Variants in SAMD5 observed in about 807,000 individuals in gnomAD.
The protein encoded by SAMD5 is sterile alpha motif domain-containing protein 5.
A neutral mutation model predicts 11.3 loss-of-function variants in SAMD5; 13 were observed. The ratio of observed to expected loss-of-function variants is 1.15; its 90% CI spans 0.75 to 1.83. The LOEUF is 1.83. Ranked by LOEUF, SAMD5 falls within the 40% of genes most tolerant of loss-of-function variation. SAMD5 has a pLI of 0.00. For missense variants in SAMD5, 255 were observed against 239.1 expected, an observed-to-expected ratio of 1.07 and a Z score of -0.44; for synonymous variants, 129 against 111.3, an observed-to-expected ratio of 1.16 and a Z score of -1.00.
chr6:147,662,149 A>G (rs1294543749), intron 1 of SAMD5, among the ~76,000 whole-genome samples: 1 of 151,266 alleles, frequency 6.6e-6, no homozygotes, highest in African/African-American at 2.5e-5. Context: ...CTTACTGGTG[A>G]GCATGTTTCT....
intron 1 of SAMD5, among the ~76,000 whole-genome samples, chr6:147,623,245 A>G (rs1389709387): frequency 1.3e-5 from 2 of 152,190 alleles, no homozygotes; most frequent in East Asian, 3.9e-4. Context: ...CCTCCCAGAC[A>G]CCCCAGAGCC....
At chr6:147,891,833 T>A in the SAMD5 span, among the ~76,000 whole-genome samples, 1 of 151,572 alleles carries the variant, frequency 6.6e-6, no homozygotes, top group Non-Finnish European at 1.5e-5. Context: ...AGGTCCATGG[T>A]ATGAACCTGT....
the SAMD5 span, among the ~76,000 whole-genome samples, chr6:147,772,945 G>A: frequency 4.6e-5 from 7 of 152,096 alleles, no homozygotes; most frequent in African/African-American, 1.4e-4. Flanking sequence ...CTGAGTGCCC[G>A]CTATGCTGTT....
intron 1 of SAMD5, among the ~76,000 whole-genome samples, chr6:147,611,006 A>T (rs1479775492): frequency 6.6e-6 from 1 of 151,496 alleles, no homozygotes; most frequent in African/African-American, 2.4e-5. Flanking sequence ...AGTAGCTGGG[A>T]CTACAGGTAT....
At chr6:147,668,017 C>A (rs1348194796) in intron 1 of SAMD5, among the ~76,000 whole-genome samples, 3 of 151,992 alleles carry the variant, frequency 2.0e-5, no homozygotes, top group Admixed American at 6.6e-5. Context: ...TTTAAAATTG[C>A]ATTATAAAAA....
the SAMD5 span, among the ~76,000 whole-genome samples, chr6:147,909,441 C>T: frequency 6.6e-6 from 1 of 152,076 alleles, no homozygotes; most frequent in African/African-American, 2.4e-5. Flanking sequence ...ACATAAACTG[C>T]TAATGTCTCC....
At chr6:147,679,937 A>G (rs975011286) in intron 1 of SAMD5, among the ~76,000 whole-genome samples, 8 of 151,484 alleles carry the variant, frequency 5.3e-5, no homozygotes, top group Admixed American at 4.6e-4. Context: ...CTATTTCTAG[A>G]CTCTACTTTG....
At chr6:147,693,315 C>T (rs1428957552) in intron 1 of SAMD5, among the ~76,000 whole-genome samples, 1 of 152,226 alleles carries the variant, frequency 6.6e-6, no homozygotes, top group Non-Finnish European at 1.5e-5. Flanking sequence ...TGGGAGGTTG[C>T]TTGCAGTCTT....
chr6:147,521,118 A>G (rs575043695), intron 1 of SAMD5, among the ~76,000 whole-genome samples: 8 of 151,854 alleles, frequency 5.3e-5, no homozygotes, highest in African/African-American at 1.7e-4. Context: ...AATCTTACCC[A>G]TGTTACTACT....
At chr6:147,708,269 T>C (rs1327456873) in intron 1 of SAMD5, among the ~76,000 whole-genome samples, 1 of 152,144 alleles carries the variant, frequency 6.6e-6, no homozygotes, top group Non-Finnish European at 1.5e-5. Flanking sequence ...ATCATAAAGA[T>C]ACAGGAAAAA....
chr6:147,837,248 T>G, the SAMD5 span, among the ~76,000 whole-genome samples: 1 of 152,188 alleles, frequency 6.6e-6, no homozygotes, highest in African/African-American at 2.4e-5. Context: ...AAGCTTCTTC[T>G]TACCCCAGAA....
chr6:147,509,084 C>T lies in SAMD5; in HGVS notation c.156C>T (p.Arg52=), dbSNP rs755607960. ...TCGGGGTGCTGGCGCCCGCGCACCG[C>T]CGCCGTATCCTGGAGGCCGTGCGCC... ...DAIGVLAPAH[R]RRILEAVRRL... Residue 52 remains arginine, a synonymous_variant, in exon 1 of 2, where the codon CGC becomes CGT. Transcript: ENST00000367474. The T allele has an allele frequency of 6.2e-7, 1 of 1,600,142 alleles. No homozygotes were observed. The highest frequency in any genetic ancestry group is 8.5e-7 in the Non-Finnish European group (1 of 1,174,716).
Position 147,565,804 on chromosome 6 carries a change from T to C in SAMD5, c.*1348T>C, listed in dbSNP as rs1476636955. On this transcript the variant is annotated 3_prime_UTR_variant, in exon 2 of 2. Coordinates refer to ENST00000367474, the MANE Select transcript of SAMD5 (RefSeq NM_001030060.3). ...TTTCTGCTTAGAAAACGCAACCATG[T>C]TGATGGGACCAAAAACTTAGTTGAA... 25 of 985,282 alleles carry C rather than the reference T, an allele frequency of 2.5e-5. No homozygotes were observed. The highest frequency in any genetic ancestry group is 1.6e-5 in the Non-Finnish European group (13 of 829,948). 61.0% of individuals were successfully genotyped at this position (985,282 alleles called of 1,614,324 possible).
At chr6:147,578,148 A>C (rs973576917) in intron 1 of SAMD5, among the ~76,000 whole-genome samples, 1 of 152,180 alleles carries the variant, frequency 6.6e-6, no homozygotes, top group African/African-American at 2.4e-5. Context: ...CATTTAGTTT[A>C]CTGTCCATCA....
At chr6:147,802,263 A>T in the SAMD5 span, among the ~76,000 whole-genome samples, 68 of 152,320 alleles carry the variant, frequency 4.5e-4, no homozygotes, top group Admixed American at 7.2e-4. Flanking sequence ...TTACACAAAA[A>T]CTTAACATAG....
chr6:147,587,753 G>C (rs844561), intron 1 of SAMD5, among the ~76,000 whole-genome samples: 89,914 of 151,864 alleles, frequency 0.59, 26,815 homozygotes, highest in Middle Eastern at 0.65. Flanking sequence ...AGGACTTTTC[G>C]TCTTCTGGGC....
At chr6:147,515,844 T>A (rs74971769) in intron 1 of SAMD5, among the ~76,000 whole-genome samples, 63 of 152,236 alleles carry the variant, frequency 4.1e-4, no homozygotes, top group African/African-American at 1.5e-3. Flanking sequence ...TTTAAAAAAA[T>A]CAACTCTGAT....
At chr6:147,535,631 C>A (rs1237704355) in intron 1 of SAMD5, among the ~76,000 whole-genome samples, 8 of 152,094 alleles carry the variant, frequency 5.3e-5, no homozygotes, top group Non-Finnish European at 1.2e-4. Context: ...TGAAGTGTAG[C>A]AAGAATGATT....
chr6:147,590,738 A>G (rs1789440747), intron 1 of SAMD5, among the ~76,000 whole-genome samples: 1 of 152,190 alleles, frequency 6.6e-6, no homozygotes, highest in African/African-American at 2.4e-5. Flanking sequence ...TACCAAGACT[A>G]GATGAATGAT....
Sources: allele counts gnomAD v4.1 joint callset (sites outside exome capture counted in the v4.1 genomes callset), GRCh38; gene constraint gnomAD v4.1.1; transcripts MANE v1.5; gene names NCBI Gene and HGNC (gene_info 2026-07-23, HGNC 2026-07-21).